Variants in MYO9A observed in about 807,000 individuals in gnomAD.
MYO9A encodes myosin IXA, also known as unconventional myosin-IXa.
In MYO9A, 103 loss-of-function variants were observed where a neutral mutation model predicts 293.3. That is an observed-to-expected ratio of 0.35 (90% CI 0.30 to 0.41). The LOEUF (loss-of-function observed/expected upper bound fraction) is 0.41. MYO9A is among the 10% of genes least tolerant of loss of function. The probability of loss-of-function intolerance (pLI) is 1.00; values close to 1 mark genes in which losing one functional copy is unlikely to be tolerated. For synonymous variants in MYO9A, 1,001 were observed against 1,035.7 expected, an observed-to-expected ratio of 0.97 and a Z score of 0.64; for missense variants, 2,685 against 3,033.0, an observed-to-expected ratio of 0.89 and a Z score of 2.69.
chr15:72,033,552 A>G (rs1596432237), intron 2 of MYO9A, among the ~76,000 whole-genome samples: 1 of 152,236 alleles, frequency 6.6e-6, no homozygotes, highest in African/African-American at 2.4e-5. Flanking sequence ...CACAAAGTAC[A>G]TATCATATAA....
In MYO9A at chr15:71,898,910, G is replaced by A. The variant is rs756808257; in HGVS notation, c.3593C>T (p.Ser1198Phe). The change falls in exon 25 of 42, where the codon TCT becomes TTT. Residue 1198 changes from serine (S) to phenylalanine (F), a missense_variant. By Grantham distance (155) the Ser-to-Phe change is radical (BLOSUM62 -2). Transcript: ENST00000356056. ...TATGGCTTTTATTCTGTTGTCAAAA[G>A]AACAATCCTCCCATCCTGAAGGGTC... ...GSDPSGWEDC[S>F]FDNRIKAIEE... 6.2e-7 allele frequency: 1 copy of A among 1,614,026 alleles called. No homozygotes were observed.
At chr15:71,883,470 G>T in intron 28 of MYO9A, 124 bp downstream of exon 28, 3 of 1,028,072 alleles carry the variant, frequency 2.9e-6, no homozygotes, top group Non-Finnish European at 4.2e-6. Context: ...TAACAATGCT[G>T]GTCCTATCTC....
chr15:72,056,299 T>C (rs2078716762), intron 1 of MYO9A, among the ~76,000 whole-genome samples: 1 of 152,180 alleles, frequency 6.6e-6, no homozygotes, highest in South Asian at 2.1e-4. Flanking sequence ...GGCATGTTTA[T>C]AGCAGCACAA....
At chr15:72,100,287 C>A (rs1011644692) in intron 1 of MYO9A, among the ~76,000 whole-genome samples, 4 of 152,190 alleles carry the variant, frequency 2.6e-5, no homozygotes, top group South Asian at 2.1e-4. Flanking sequence ...GAGGCCGAGG[C>A]GTGCAGATCA....
chr15:72,026,706 GAGAC>G (rs1389883589), intron 4 of MYO9A, among the ~76,000 whole-genome samples: 9 of 152,096 alleles, frequency 5.9e-5, no homozygotes, highest in Non-Finnish European at 1.0e-4. Context: ...CTAAACTGAT[GAGAC>G]AGACAGAGAA....
intron 39 of MYO9A, among the ~76,000 whole-genome samples, chr15:71,832,178 A>C (rs1397576710): frequency 6.6e-6 from 1 of 152,158 alleles, no homozygotes; most frequent in African/African-American, 2.4e-5. Flanking sequence ...CAGGATGCTG[A>C]GGTAAGAGCA....
intron 15 of MYO9A, among the ~76,000 whole-genome samples, chr15:71,939,635 G>A (rs533454356): frequency 1.3e-4 from 20 of 152,280 alleles, no homozygotes; most frequent in Admixed American, 4.6e-4. Context: ...GAGTATCAAT[G>A]TATTGAGAAT....
In MYO9A at chr15:71,888,001, T is replaced by C; in HGVS notation, c.5255+3A>G. On this transcript the variant is annotated splice_donor_region_variant and intron_variant, in intron 27 of 41. Transcript: ENST00000356056. ...CCCTGTTAACTCCGTGTATACTTTA[T>C]ACCTTATATCTGAATCTGAAGCCTT... is the stretch of plus-strand genomic sequence containing the variant. 6.7e-7 allele frequency: 1 copy of C among 1,503,148 alleles called. No individual in the cohort carries two copies. The allele number at this position is 1,503,148 out of a possible 1,614,324, so 93.1% of individuals were successfully genotyped here. A position where few individuals can be genotyped will look rare whatever the true frequency, so the allele number is the denominator to read the frequency against.
intron 2 of MYO9A, among the ~76,000 whole-genome samples, chr15:72,035,150 C>CA (rs1168659656): frequency 1.3e-5 from 2 of 152,162 alleles, no homozygotes; most frequent in Non-Finnish European, 2.9e-5. Context: ...CTAGAACACT[C>CA]ATACAGTGCT....
intron 10 of MYO9A, among the ~76,000 whole-genome samples, chr15:71,991,499 C>A (rs1265250150): frequency 6.6e-6 from 1 of 152,026 alleles, no homozygotes; most frequent in Non-Finnish European, 1.5e-5. Flanking sequence ...AGGTTAGTGG[C>A]CTTTTATCTT....
intron 19 of MYO9A, among the ~76,000 whole-genome samples, chr15:71,911,342 A>G (rs1347765631): frequency 6.6e-6 from 1 of 152,200 alleles, no homozygotes; most frequent in Non-Finnish European, 1.5e-5. Flanking sequence ...AAGGGAATTC[A>G]TACTTCTACA....
chr15:71,898,861 C>G lies in MYO9A; in HGVS notation c.3642G>C (p.Glu1214Asp). 1.9e-6 allele frequency: 3 copies of G among 1,614,114 alleles called. No individual in the cohort carries two copies. Among genetic ancestry groups the G allele is most frequent in the Non-Finnish European group, 2.5e-6 (3 of 1,179,996 alleles). ...KAIEECKSVIESNRISRESSV... is the reference protein window; with the variant it reads ...KAIEECKSVIDSNRISRESSV... ...AACTTTCACGGCTAATTCGATTACT[C>G]TCTATTACAGATTTACATTCCTCTA... The change falls in exon 25 of 42, where the codon GAG (glutamate) becomes GAC (aspartate). Residue 1214 changes from glutamate (E) to aspartate (D), a missense_variant. Glu to Asp is a conservative substitution (Grantham distance 45, BLOSUM62 2). Coordinates refer to ENST00000356056, the MANE Select transcript of MYO9A (RefSeq NM_006901.4).
intron 14 of MYO9A, among the ~76,000 whole-genome samples, chr15:71,956,351 A>ATATATATATC (rs71133937): frequency 7.7e-6 from 1 of 130,700 alleles, no homozygotes; most frequent in Admixed American, 7.6e-5. Context: ...ATATATATAT[A>ATATATATATC]AAATACGCCC....
At position 71,897,553 on chromosome 15, in the gene MYO9A, A is replaced by C. The variant is rs537565783; in HGVS notation, c.4950T>G (p.Thr1650=). The C allele has an allele frequency of 1.4e-5, 22 of 1,614,142 alleles. No homozygotes were observed. The highest frequency in any genetic ancestry group is 1.6e-5 in the Non-Finnish European group (19 of 1,180,004). ...CATCAGAATTGTGGCTGTAAGACTG[A>C]GTTGGCCTAAAGTGTTCTCTTTTTG... The part of the protein sequence containing the change: ...RISKREHFRP[T]QSYSHNSDDL... Residue 1650 remains threonine, a synonymous_variant, in exon 25 of 42, where the codon ACT becomes ACG. Coordinates refer to ENST00000356056, the MANE Select transcript of MYO9A (RefSeq NM_006901.4).
At chr15:72,007,431 C>A (rs1242510022) in intron 8 of MYO9A, among the ~76,000 whole-genome samples, 1 of 151,190 alleles carries the variant, frequency 6.6e-6, no homozygotes, top group Non-Finnish European at 1.5e-5. Flanking sequence ...CTCCACCCAC[C>A]CAAATACCCC....
intron 7 of MYO9A, among the ~76,000 whole-genome samples, chr15:72,008,414 A>G (rs1046924044): frequency 6.7e-6 from 1 of 148,760 alleles, no homozygotes; most frequent in African/African-American, 2.5e-5. Context: ...TCTATACCAT[A>G]GTATGGTGTT....
At chr15:71,948,856 T>C (rs886382152) in intron 15 of MYO9A, among the ~76,000 whole-genome samples, 1 of 151,902 alleles carries the variant, frequency 6.6e-6, no homozygotes, top group South Asian at 2.1e-4. Flanking sequence ...GTGGATACTG[T>C]TAGGTTCTTC....
chr15:71,827,272 G>A (rs1042060339), intron 41 of MYO9A, among the ~76,000 whole-genome samples: 13 of 152,084 alleles, frequency 8.5e-5, no homozygotes, highest in Admixed American at 5.9e-4. Context: ...TGCCATCAGC[G>A]GAGGCCTAGA....
chr15:72,001,046 T>C (rs1346244930), intron 8 of MYO9A, among the ~76,000 whole-genome samples: 4 of 152,194 alleles, frequency 2.6e-5, no homozygotes, highest in Non-Finnish European at 5.9e-5. Context: ...AACTCCTATA[T>C]ATAATTTTTA....
Sources: gnomAD v4.1 joint callset for allele counts (sites outside exome capture counted in the v4.1 genomes callset) on GRCh38, gnomAD v4.1.1 for gene constraint, MANE v1.5 for transcripts, NCBI Gene and HGNC (gene_info 2026-07-23, HGNC 2026-07-21) for gene names.